Variants in STOM observed in about 807,000 individuals in gnomAD.
STOM encodes erythrocyte band 7 integral membrane protein.
STOM carries 25 observed loss-of-function variants against 30.6 expected under a neutral mutation model. The observed-to-expected ratio is 0.82, with a 90% confidence interval of 0.60 to 1.14. The LOEUF is 1.14. Among genes scored for constraint, STOM ranks in the 50% most tolerant of loss-of-function variants. The pLI is 0.00. For synonymous variants in STOM, 118 were observed against 130.8 expected, an observed-to-expected ratio of 0.90 and a Z score of 0.67; for missense variants, 292 against 365.2, an observed-to-expected ratio of 0.80 and a Z score of 1.63.
chr9:121,355,254 T>TA (rs2064376515), intron 2 of STOM, among the ~76,000 whole-genome samples: 1 of 99,554 alleles, frequency 1.0e-5, no homozygotes, highest in South Asian at 3.4e-4. Context: ...AAAAAAATAA[T>TA]AATAATAATA....
At chr9:121,355,708 C>T (rs1050330830) in intron 2 of STOM, among the ~76,000 whole-genome samples, 4 of 152,116 alleles carry the variant, frequency 2.6e-5, no homozygotes, top group Non-Finnish European at 5.9e-5. Flanking sequence ...GGTGAGGAAA[C>T]AGCAAAGGTC....
Position 121,341,106 on chromosome 9 carries a change from A to T in STOM, c.*96T>A. The T allele has an allele frequency of 1.9e-6, 3 of 1,579,448 alleles. No individual in the cohort carries two copies. Among genetic ancestry groups the T allele is most frequent in the Non-Finnish European group, 2.6e-6 (3 of 1,161,980 alleles). On this transcript the variant is annotated 3_prime_UTR_variant, in exon 7 of 7. Transcript: ENST00000286713. ...ATACATTCTGGGAACACCACAATTG[A>T]CATATGGAAAAAGAAAAGCCCTACC...
At chr9:121,366,731 T>C (rs994849839) in intron 1 of STOM, among the ~76,000 whole-genome samples, 2 of 152,268 alleles carry the variant, frequency 1.3e-5, no homozygotes, top group Middle Eastern at 3.4e-3. Flanking sequence ...AATGTTTTTG[T>C]ATACCTACTA....
In STOM at chr9:121,340,964, A is replaced by G; in HGVS notation, c.*238T>C. The G allele has an allele frequency of 7.4e-7, 1 of 1,349,062 alleles. No individual in the cohort carries two copies. The highest frequency in any genetic ancestry group is 9.5e-7 in the Non-Finnish European group (1 of 1,047,472). The allele number at this position is 1,349,062 out of a possible 1,614,324, so 83.6% of individuals were successfully genotyped here. ...ACAAGAGGGATCTAACCTACTACAT[A>G]ATAATCTAAAAATACAAACTTTTAA... On this transcript the variant is annotated 3_prime_UTR_variant, in exon 7 of 7. Transcript: ENST00000286713.
At chr9:121,349,376 A>T in intron 4 of STOM, 53 bp from the exon 5 acceptor site, 1 of 1,465,750 alleles carries the variant, frequency 6.8e-7, no homozygotes, top group Non-Finnish European at 9.6e-7. Context: ...TTTTTAACAT[A>T]ACTGTAAGGA....
rs2064235592 is a variant in STOM, at chr9:121,340,428, G to A, written c.*774C>T. The A allele has an allele frequency of 1.0e-6, 1 of 985,206 alleles. No individual in the cohort carries two copies. Among genetic ancestry groups the A allele is most frequent in the Non-Finnish European group, 1.2e-6 (1 of 829,920 alleles). The allele number at this position is 985,206 out of a possible 1,614,324, so 61.0% of individuals were successfully genotyped here. A position where few individuals can be genotyped will look rare whatever the true frequency, so the allele number is the denominator to read the frequency against. On this transcript the variant is annotated 3_prime_UTR_variant, in exon 7 of 7. Coordinates refer to ENST00000286713, the MANE Select transcript of STOM (RefSeq NM_004099.6). ...GATTTAGAAAATAAATGAACATTAG[G>A]GAAATTTCCTTAATTAAGACTCTCC...
At chr9:121,357,424 G>GATATATATATATATATATATATTT (rs1156937416) in intron 1 of STOM, among the ~76,000 whole-genome samples, 4 of 95,420 alleles carry the variant, frequency 4.2e-5, no homozygotes, top group Non-Finnish European at 9.1e-5. Flanking sequence ...ATTTTTAAAT[G>GATATATATATATATATATATATTT]ATATATATAT....
At chr9:121,350,212 C>T (rs1182422843) in intron 4 of STOM, among the ~76,000 whole-genome samples, 2 of 152,226 alleles carry the variant, frequency 1.3e-5, no homozygotes, top group Non-Finnish European at 2.9e-5. Context: ...TTCAGCCACT[C>T]AGGAGGCTGA....
At chr9:121,343,779 C>T (rs2064266606) in intron 6 of STOM, among the ~76,000 whole-genome samples, 1 of 152,086 alleles carries the variant, frequency 6.6e-6, no homozygotes, top group Admixed American at 6.5e-5. Context: ...GTTTGGTCTT[C>T]ATTCTGTAGG....
intron 6 of STOM, among the ~76,000 whole-genome samples, chr9:121,344,350 CT>C (rs1376776840): frequency 6.6e-6 from 1 of 152,104 alleles, no homozygotes; most frequent in Non-Finnish European, 1.5e-5. Context: ...CAATTAGGCA[CT>C]TTTTTCTTTG....
intron 1 of STOM, among the ~76,000 whole-genome samples, chr9:121,362,995 G>T (rs1344076342): frequency 3.3e-5 from 5 of 152,208 alleles, no homozygotes; most frequent in African/African-American, 1.2e-4. Context: ...TGGAAATCAT[G>T]TGGAGTAATA....
chr9:121,343,719 A>G (rs549038332), intron 6 of STOM, among the ~76,000 whole-genome samples: 1 of 152,278 alleles, frequency 6.6e-6, no homozygotes, highest in South Asian at 2.1e-4. Flanking sequence ...AAGAGGGGAA[A>G]GGTGGGGGAT....
At chr9:121,344,228 T>C (rs889138019) in intron 6 of STOM, among the ~76,000 whole-genome samples, 3 of 152,136 alleles carry the variant, frequency 2.0e-5, no homozygotes, top group Non-Finnish European at 4.4e-5. Flanking sequence ...CCAGCTTTGC[T>C]CAAAGAAAAC....
chr9:121,370,048 C>T (rs1286937851), intron 1 of STOM, 79 bp downstream of exon 1: 2 of 1,359,024 alleles, frequency 1.5e-6, no homozygotes. Flanking sequence ...TGGCCAGGAG[C>T]CCGGCTGTCA....
chr9:121,357,440 T>TA (rs1491214246), intron 1 of STOM, among the ~76,000 whole-genome samples: 7,594 of 77,454 alleles, frequency 0.098, 726 homozygotes, highest in East Asian at 0.37. Flanking sequence ...TATATATATA[T>TA]TTATTTATTT....
intron 1 of STOM, among the ~76,000 whole-genome samples, chr9:121,369,656 G>A (rs1230501648): frequency 6.6e-6 from 1 of 152,134 alleles, no homozygotes; most frequent in Non-Finnish European, 1.5e-5. Context: ...TAAGTTTCGG[G>A]AGGTGGGATT....
chr9:121,340,453 C>T lies in STOM; in HGVS notation c.*749G>A. On this transcript the variant is annotated 3_prime_UTR_variant, in exon 7 of 7. Coordinates refer to ENST00000286713, the MANE Select transcript of STOM (RefSeq NM_004099.6). ...GGAAATTTCCTTAATTAAGACTCTC[C>T]AAACCAGGTGTGGTAGCTCATGCCT... is the stretch of plus-strand genomic sequence containing the variant. 1 of 985,302 alleles carries T rather than the reference C, an allele frequency of 1.0e-6. No individual in the cohort carries two copies. The highest frequency in any genetic ancestry group is 1.2e-6 in the Non-Finnish European group (1 of 829,896). The allele number at this position is 985,302 out of a possible 1,614,324, so 61.0% of individuals were successfully genotyped here. A position where few individuals can be genotyped will look rare whatever the true frequency, so the allele number is the denominator to read the frequency against.
chr9:121,339,772 A>C lies in STOM; in HGVS notation c.*1430T>G. ...AAGAATTTGTTGTCCAGAGGAGCTG[A>C]CCAGTTCCTCTTTCAGCATCAATAT... On this transcript the variant is annotated 3_prime_UTR_variant, in exon 7 of 7. Transcript: ENST00000286713. 1.6e-6 allele frequency: 2 copies of C among 1,223,328 alleles called. No individual in the cohort carries two copies. The highest frequency in any genetic ancestry group is 2.0e-6 in the Non-Finnish European group (2 of 983,098). The allele number at this position is 1,223,328 out of a possible 1,614,324, so 75.8% of individuals were successfully genotyped here.
intron 1 of STOM, among the ~76,000 whole-genome samples, chr9:121,361,951 A>G (rs2064457492): frequency 6.6e-6 from 1 of 152,200 alleles, no homozygotes; most frequent in African/African-American, 2.4e-5. Flanking sequence ...GCAGTTCACA[A>G]TAGGGTTTGT....
Sources: allele counts gnomAD v4.1 joint callset (sites outside exome capture counted in the v4.1 genomes callset), GRCh38; gene constraint gnomAD v4.1.1; transcripts MANE v1.5; gene names NCBI Gene and HGNC (gene_info 2026-07-23, HGNC 2026-07-21).